Variants in TRIP11 observed in about 807,000 individuals in gnomAD.
TRIP11 encodes the protein thyroid hormone receptor interactor 11.
A neutral mutation model predicts 223.1 loss-of-function variants in TRIP11; 148 were observed. The ratio of observed to expected loss-of-function variants is 0.66; its 90% CI spans 0.58 to 0.76. The LOEUF (loss-of-function observed/expected upper bound fraction) is 0.76. Ranked by LOEUF, TRIP11 falls within the 30% of genes least tolerant of loss-of-function variation. TRIP11 has a pLI of 0.00. For synonymous variants in TRIP11, 762 were observed against 772.6 expected (o/e 0.99, Z 0.23); for missense variants, 2,043 against 2,222.0 (o/e 0.92, Z 1.62).
chr14:92,020,066 G>A (rs1301681967), intron 4 of TRIP11, among the ~76,000 whole-genome samples: 1 of 151,910 alleles, frequency 6.6e-6, no homozygotes, highest in Non-Finnish European at 1.5e-5. Context: ...TGGGTAACAT[G>A]GTGAAACCCC....
At chr14:92,036,270 G>A (rs1253254203) in intron 1 of TRIP11, among the ~76,000 whole-genome samples, 2 of 152,168 alleles carry the variant, frequency 1.3e-5, no homozygotes, top group East Asian at 3.8e-4. Context: ...GTACAAAGGG[G>A]AGATATTATG....
Position 91,999,228 on chromosome 14 carries a change from T to A in TRIP11, c.4892+12A>T, listed in dbSNP as rs768218216. The A allele has an allele frequency of 1.2e-6, 2 of 1,611,460 alleles. No homozygotes were observed. The highest frequency in any genetic ancestry group is 2.7e-5 in the African/African-American group (2 of 74,872). On this transcript the variant is annotated intron_variant, in intron 13 of 20. Transcript: ENST00000267622. The stretch of plus-strand genomic sequence containing the variant: ...TTCAGTTAAAGTTAATGCAAAAAAA[T>A]GAAAAAATTACCTTGCATTTTCCAT...
intron 7 of TRIP11, among the ~76,000 whole-genome samples, 198 bp downstream of exon 7, chr14:92,014,017 T>G (rs2057006039): frequency 6.6e-6 from 1 of 152,216 alleles, no homozygotes; most frequent in Non-Finnish European, 1.5e-5. Context: ...ACCTAATCCT[T>G]TTTAATAGGA....
At chr14:91,990,735 G>C (rs1343995462) in intron 15 of TRIP11, among the ~76,000 whole-genome samples, 3 of 152,198 alleles carry the variant, frequency 2.0e-5, no homozygotes, top group African/African-American at 7.2e-5. Flanking sequence ...CCAACATTTT[G>C]TGAGGTCAAG....
At chr14:91,975,628 G>A (rs2056454610) in intron 17 of TRIP11, among the ~76,000 whole-genome samples, 2 of 152,022 alleles carry the variant, frequency 1.3e-5, no homozygotes, top group South Asian at 4.2e-4. Context: ...AAACTTAAAT[G>A]GTGATGACTG....
At chr14:91,976,753 A>G (rs2056469699) in intron 16 of TRIP11, among the ~76,000 whole-genome samples, 1 of 152,194 alleles carries the variant, frequency 6.6e-6, no homozygotes, top group Non-Finnish European at 1.5e-5. Context: ...TCAAGATACT[A>G]TAGCTTATGA....
At chr14:91,991,969 G>A (rs910677802) in intron 15 of TRIP11, among the ~76,000 whole-genome samples, 1 of 149,624 alleles carries the variant, frequency 6.7e-6, no homozygotes, top group African/African-American at 2.5e-5. Flanking sequence ...TGTAATCTCA[G>A]CTACTTGGGA....
intron 16 of TRIP11, among the ~76,000 whole-genome samples, chr14:91,982,113 T>C (rs1408004740): frequency 6.6e-6 from 1 of 152,222 alleles, no homozygotes; most frequent in Non-Finnish European, 1.5e-5. Flanking sequence ...GGATTATTTG[T>C]AGACCAAATT....
At position 92,004,844 on chromosome 14, in the gene TRIP11, T is replaced by C; in HGVS notation, c.3132A>G (p.Lys1044=). ...CATCTTTGGACAACTGATCAATCTG[T>C]TTAGTTAAAGATATATTCTTTTCAT... ...LLNEKNISLT[K]QIDQLSKDEV... is the part of the protein sequence containing the mutation. The change falls in exon 11 of 21, where the codon AAA becomes AAG. Residue 1044 remains lysine, a synonymous_variant. Coordinates refer to ENST00000267622, the MANE Select transcript of TRIP11 (RefSeq NM_004239.4). The C allele has an allele frequency of 6.2e-7, 1 of 1,613,960 alleles. No individual in the cohort carries two copies. The highest frequency in any genetic ancestry group is 2.2e-5 in the East Asian group (1 of 44,852).
chr14:92,034,284 G>A (rs1308469829), intron 1 of TRIP11, among the ~76,000 whole-genome samples: 1 of 152,118 alleles, frequency 6.6e-6, no homozygotes, highest in Non-Finnish European at 1.5e-5. Flanking sequence ...TTAGCCGGGT[G>A]TGGTGGCACA....
chr14:91,981,427 T>C (rs1375255427), intron 16 of TRIP11, among the ~76,000 whole-genome samples: 1 of 152,148 alleles, frequency 6.6e-6, no homozygotes, highest in Non-Finnish European at 1.5e-5. Flanking sequence ...TCTCGCTCTG[T>C]CACCCAGGCT....
intron 16 of TRIP11, among the ~76,000 whole-genome samples, chr14:91,986,013 T>G (rs2056600257): frequency 6.6e-6 from 1 of 152,204 alleles, no homozygotes; most frequent in South Asian, 2.1e-4. Context: ...CAAGAATGAC[T>G]TACAGACATA....
At chr14:91,991,811 G>GGT (rs1404225681) in intron 15 of TRIP11, among the ~76,000 whole-genome samples, 9 of 151,838 alleles carry the variant, frequency 5.9e-5, no homozygotes, top group African/African-American at 1.9e-4. Flanking sequence ...AGCCGGGTGC[G>GGT]GTGGCTCACG....
chr14:92,007,583 CTG>C (rs767675695), intron 10 of TRIP11, 55 bp downstream of exon 10: 1 of 1,555,804 alleles, frequency 6.4e-7, no homozygotes, highest in East Asian at 2.3e-5. Context: ...CCCACCATTT[CTG>C]TGTTTAGTTT....
intron 4 of TRIP11, among the ~76,000 whole-genome samples, chr14:92,019,819 GT>G (rs1368301908): frequency 2.0e-5 from 3 of 152,044 alleles, no homozygotes; most frequent in Non-Finnish European, 4.4e-5. Flanking sequence ...GCAAATTTTG[GT>G]TCACACACAA....
At chr14:92,024,001 A>G (rs2140139502) in intron 3 of TRIP11, among the ~76,000 whole-genome samples, 1 of 152,024 alleles carries the variant, frequency 6.6e-6, no homozygotes, top group East Asian at 1.9e-4. Context: ...GACTATAGGC[A>G]TACGCCACCA....
chr14:92,017,586 A>C (rs1447559931), intron 5 of TRIP11, 96 bp downstream of exon 5: 32 of 918,672 alleles, frequency 3.5e-5, no homozygotes, highest in Non-Finnish European at 5.5e-5. Context: ...AATGATAATG[A>C]CTTTTATAAC....
Position 91,966,479 on chromosome 14 carries a change from T to C in TRIP11, c.*3194A>G, listed in dbSNP as rs1293258154. 2 of 194,032 alleles carry C rather than the reference T, an allele frequency of 1.0e-5. No homozygotes were observed. Among genetic ancestry groups the C allele is most frequent in the South Asian group, 1.9e-4 (1 of 5,168 alleles). The allele number at this position is 194,032 out of a possible 1,614,324, so 12.0% of individuals were successfully genotyped here. A position where few individuals can be genotyped will look rare whatever the true frequency, so the allele number is the denominator to read the frequency against. On this transcript the variant is annotated 3_prime_UTR_variant, in exon 21 of 21. Coordinates refer to ENST00000267622, the MANE Select transcript of TRIP11 (RefSeq NM_004239.4). The stretch of plus-strand genomic sequence containing the variant: ...AAGTTTGATGGATAATAGTGTTTTC[T>C]AAAAAATTCTCATCACTCTACTGTC...
At chr14:92,017,957 T>C (rs996093794) in intron 4 of TRIP11, among the ~76,000 whole-genome samples, 1 of 152,204 alleles carries the variant, frequency 6.6e-6, no homozygotes, top group African/African-American at 2.4e-5. Flanking sequence ...AAGAATGTAT[T>C]AACTAATGGG....
Sources: gnomAD v4.1 joint callset for allele counts (sites outside exome capture counted in the v4.1 genomes callset) on GRCh38, gnomAD v4.1.1 for gene constraint, MANE v1.5 for transcripts, NCBI Gene and HGNC (gene_info 2026-07-23, HGNC 2026-07-21) for gene names.